SYT1: variants seen among roughly 807,000 people sequenced by gnomAD.
SYT1 encodes the protein synaptotagmin-1.
A neutral mutation model predicts 44.8 loss-of-function variants in SYT1; 8 were observed. The observed-to-expected ratio is 0.18, with a 90% CI of 0.10 to 0.32. SYT1 has a LOEUF of 0.32. Ranked by LOEUF, SYT1 falls within the 10% of genes least tolerant of loss-of-function variation. SYT1 has a pLI of 1.00. For missense variants in SYT1, 286 were observed against 509.3 expected, an observed-to-expected ratio of 0.56 and a Z score of 4.22; for synonymous variants, 154 against 188.8, an observed-to-expected ratio of 0.82 and a Z score of 1.51.
intron 9 of SYT1, among the ~76,000 whole-genome samples, chr12:79,408,002 G>A (rs996872466): frequency 6.6e-6 from 1 of 152,112 alleles, no homozygotes; most frequent in Non-Finnish European, 1.5e-5. Context: ...GAGGCTGAAT[G>A]GAGAACCTTA....
chr12:78,871,055 A>G (rs190313745), intron 1 of SYT1, among the ~76,000 whole-genome samples: 1 of 152,200 alleles, frequency 6.6e-6, no homozygotes, highest in African/African-American at 2.4e-5. Flanking sequence ...ATGAGTCAGT[A>G]TAGTATTTTT....
At chr12:79,358,522 T>A (rs781381025) in intron 9 of SYT1, among the ~76,000 whole-genome samples, 1 of 152,176 alleles carries the variant, frequency 6.6e-6, no homozygotes, top group African/African-American at 2.4e-5. Flanking sequence ...TTAGACAATG[T>A]CCATAAACTA....
At chr12:79,174,334 C>T (rs1156765886) in intron 3 of SYT1, among the ~76,000 whole-genome samples, 1 of 151,956 alleles carries the variant, frequency 6.6e-6, no homozygotes, top group East Asian at 1.9e-4. Flanking sequence ...TAAGTGGCTT[C>T]AGAACATGCT....
At chr12:79,366,779 A>G (rs778861804) in intron 9 of SYT1, among the ~76,000 whole-genome samples, 72 of 152,210 alleles carry the variant, frequency 4.7e-4, no homozygotes, top group Non-Finnish European at 9.6e-4. Context: ...AGAAAGCACT[A>G]TATAAATATT....
intron 8 of SYT1, among the ~76,000 whole-genome samples, 160 bp from the exon 9 acceptor site, chr12:79,353,342 C>G (rs943652154): frequency 1.3e-5 from 2 of 151,786 alleles, no homozygotes; most frequent in Non-Finnish European, 2.9e-5. Flanking sequence ...ACTCTTGATA[C>G]CTTAGTCAAT....
intron 1 of SYT1, among the ~76,000 whole-genome samples, chr12:78,909,508 A>G (rs1323508523): frequency 2.0e-5 from 3 of 151,938 alleles, no homozygotes; most frequent in Non-Finnish European, 2.9e-5. Flanking sequence ...AGGGACATGT[A>G]TACCCCCTTC....
chr12:79,230,499 T>C (rs1160039678), intron 4 of SYT1, among the ~76,000 whole-genome samples: 3 of 152,256 alleles, frequency 2.0e-5, no homozygotes, highest in East Asian at 3.9e-4. Flanking sequence ...TTATTTACAC[T>C]TTGAGACAGA....
intron 1 of SYT1, among the ~76,000 whole-genome samples, chr12:78,877,765 A>T (rs1874252498): frequency 6.6e-6 from 1 of 151,724 alleles, no homozygotes; most frequent in Non-Finnish European, 1.5e-5. Context: ...AGTAACTGAG[A>T]CTACAGGTGC....
chr12:79,047,030 C>T (rs1465149448), intron 2 of SYT1, among the ~76,000 whole-genome samples: 2 of 151,920 alleles, frequency 1.3e-5, no homozygotes, highest in East Asian at 3.9e-4. Flanking sequence ...CAAATTAAAA[C>T]ACTATAGAAA....
chr12:78,962,335 T>TC (rs201817633), intron 1 of SYT1, among the ~76,000 whole-genome samples: 86 of 148,798 alleles, frequency 5.8e-4, no homozygotes, highest in Middle Eastern at 7.1e-3. Context: ...ATTCTTTCTT[T>TC]TTTTTTTTTT....
chr12:78,941,166 C>T (rs1181321665), intron 1 of SYT1, among the ~76,000 whole-genome samples: 1 of 150,128 alleles, frequency 6.7e-6, no homozygotes, highest in Non-Finnish European at 1.5e-5. Context: ...TCTGCCTCCC[C>T]AGTTCACGCC....
chr12:79,221,879 A>G (rs1875184998), intron 4 of SYT1, among the ~76,000 whole-genome samples: 1 of 152,130 alleles, frequency 6.6e-6, no homozygotes, highest in African/African-American at 2.4e-5. Flanking sequence ...CTGTGTACTT[A>G]CTTTTACCAG....
chr12:79,180,936 C>G (rs1872500888), intron 3 of SYT1, among the ~76,000 whole-genome samples: 1 of 152,000 alleles, frequency 6.6e-6, no homozygotes, highest in Admixed American at 6.6e-5. Flanking sequence ...CCATGCTGTC[C>G]TCATGATAGC....
chr12:79,120,036 G>C (rs1413925065), intron 3 of SYT1, among the ~76,000 whole-genome samples: 1 of 152,124 alleles, frequency 6.6e-6, no homozygotes, highest in Non-Finnish European at 1.5e-5. Flanking sequence ...ACATTTGCAT[G>C]CGAAGGCCTC....
intron 3 of SYT1, among the ~76,000 whole-genome samples, chr12:79,105,075 G>C (rs1878639352): frequency 6.6e-6 from 1 of 152,166 alleles, no homozygotes; most frequent in South Asian, 2.1e-4. Flanking sequence ...AGAACAGCTA[G>C]AGCCAAAATA....
intron 3 of SYT1, among the ~76,000 whole-genome samples, chr12:79,126,754 C>T (rs970231772): frequency 3.9e-5 from 6 of 152,060 alleles, no homozygotes; most frequent in African/African-American, 1.2e-4. Context: ...AGTAAGTGAG[C>T]AGGTTTAAGG....
At chr12:78,900,489 A>G (rs2137095959) in intron 1 of SYT1, among the ~76,000 whole-genome samples, 1 of 152,228 alleles carries the variant, frequency 6.6e-6, no homozygotes, top group South Asian at 2.1e-4. Context: ...ACTGAGATCC[A>G]ATGACAAGAT....
intron 1 of SYT1, among the ~76,000 whole-genome samples, chr12:78,877,346 A>C (rs1376577512): frequency 2.0e-5 from 3 of 151,292 alleles, no homozygotes; most frequent in Non-Finnish European, 4.4e-5. Flanking sequence ...CATGGGAAAA[A>C]CCTTCCCCCA....
At chr12:78,952,097 G>T (rs2137299053) in intron 1 of SYT1, among the ~76,000 whole-genome samples, 1 of 152,210 alleles carries the variant, frequency 6.6e-6, no homozygotes, top group Non-Finnish European at 1.5e-5. Flanking sequence ...GAAGAAGCTT[G>T]ATCATTTACA....
Sources: gnomAD v4.1 joint callset for allele counts (sites outside exome capture counted in the v4.1 genomes callset) on GRCh38, gnomAD v4.1.1 for gene constraint, MANE v1.5 for transcripts, NCBI Gene and HGNC (gene_info 2026-07-23, HGNC 2026-07-21) for gene names.